PDE4D: variants seen among roughly 807,000 people sequenced by gnomAD.
The protein encoded by PDE4D is 3',5'-cyclic-AMP phosphodiesterase 4D.
PDE4D carries 24 observed loss-of-function variants against 87.4 expected under a neutral mutation model. That is an observed-to-expected ratio of 0.27 (90% confidence interval 0.20 to 0.39). The LOEUF is 0.39. PDE4D is among the 10% of genes least tolerant of loss of function. The pLI is 1.00. For synonymous variants in PDE4D, 384 were observed against 383.2 expected, an observed-to-expected ratio of 1.00 and a Z score of -0.02; for missense variants, 714 against 1,041.0, an observed-to-expected ratio of 0.69 and a Z score of 4.32.
intron 1 of PDE4D, among the ~76,000 whole-genome samples, chr5:60,513,581 A>G (rs553797218): frequency 6.6e-6 from 1 of 152,212 alleles, no homozygotes; most frequent in South Asian, 2.1e-4. Flanking sequence ...AAACTTCAAC[A>G]TATATAGAAC....
At chr5:60,396,637 C>A (rs1762902899) in intron 1 of PDE4D, among the ~76,000 whole-genome samples, 1 of 152,118 alleles carries the variant, frequency 6.6e-6, no homozygotes, top group African/African-American at 2.4e-5. Context: ...CTCAAGGGAG[C>A]CTGCCTCAGC....
chr5:59,221,540 G>C (rs544497787), intron 1 of PDE4D, among the ~76,000 whole-genome samples: 20 of 152,206 alleles, frequency 1.3e-4, no homozygotes, highest in African/African-American at 4.8e-4. Flanking sequence ...GTGGAGGCAG[G>C]AGGATCACCT....
chr5:59,193,402 T>A, intron 3 of PDE4D, 98 bp downstream of exon 3: 2 of 1,116,946 alleles, frequency 1.8e-6, no homozygotes, highest in East Asian at 5.0e-5. Context: ...GTACTTGTGC[T>A]TGATTTAAAA....
intron 1 of PDE4D, among the ~76,000 whole-genome samples, chr5:59,704,724 G>A (rs563016294): frequency 6.6e-6 from 1 of 152,292 alleles, no homozygotes; most frequent in Admixed American, 6.5e-5. Flanking sequence ...CATCGAGATT[G>A]TGTGGTGTCC....
intron 2 of PDE4D, among the ~76,000 whole-genome samples, chr5:60,036,442 C>T (rs1231529753): frequency 6.6e-6 from 1 of 152,148 alleles, no homozygotes; most frequent in Non-Finnish European, 1.5e-5. Context: ...ATCACAATAA[C>T]TCAAACAGGA....
In PDE4D at chr5:59,757,008, G is replaced by A. The variant is rs1247240071; in HGVS notation, c.455+136160C>T. 2.0e-5 allele frequency among the ~76,000 whole-genome samples: 3 copies of A among 152,002 alleles called. No individual in the cohort carries two copies. The East Asian group carries it at 5.8e-4, about 29-fold the overall frequency. ...AGACGAGGTTTCACCATGTTGAACA[G>A]GCTGGTCTAAAACTCCTGACCTCAA... On this transcript the variant is annotated intron_variant, in intron 1 of 14. Transcript: ENST00000340635.
chr5:59,097,545 T>A (rs1026452831), intron 5 of PDE4D, among the ~76,000 whole-genome samples: 4 of 152,188 alleles, frequency 2.6e-5, no homozygotes. Flanking sequence ...CCAATTAAAA[T>A]TTGGCAAACA....
rs543961626 is a variant in PDE4D at position 60,330,503 on chromosome 5, G to A, written c.-89-144816C>T. 4.6e-4 allele frequency among the ~76,000 whole-genome samples: 70 copies of A among 152,246 alleles called. No homozygotes were observed. In the Middle Eastern group the frequency reaches 0.01, roughly 22 times the overall value. On this transcript the variant is annotated intron_variant, in intron 1 of 16. Coordinates refer to the PDE4D transcript ENST00000502484. ...GCATCCATGATAAGTGGGGGTGAGC[G>A]GAGGGAAAGACCAAGCCCCAGGACA...
intron 1 of PDE4D, among the ~76,000 whole-genome samples, chr5:60,487,086 T>C (rs139656583): frequency 6.6e-6 from 1 of 152,348 alleles, no homozygotes; most frequent in Middle Eastern, 3.4e-3. Flanking sequence ...CCCTGCAGTG[T>C]ATGCTATAGA....
intron 1 of PDE4D, among the ~76,000 whole-genome samples, chr5:59,535,865 T>G (rs1048634588): frequency 6.6e-6 from 1 of 152,224 alleles, no homozygotes; most frequent in African/African-American, 2.4e-5. Flanking sequence ...TGGCAGGTCC[T>G]GGAAATCCTA....
intron 2 of PDE4D, among the ~76,000 whole-genome samples, chr5:59,204,533 G>A (rs776711449): frequency 6.6e-6 from 1 of 152,176 alleles, no homozygotes; most frequent in Non-Finnish European, 1.5e-5. Flanking sequence ...TATTCACTAA[G>A]CATATTAGGT....
At chr5:59,354,408 A>C (rs1319975678) in intron 1 of PDE4D, among the ~76,000 whole-genome samples, 1 of 152,174 alleles carries the variant, frequency 6.6e-6, no homozygotes, top group Non-Finnish European at 1.5e-5. Context: ...ATAGTTTAAC[A>C]CCTTTAATTC....
intron 1 of PDE4D, among the ~76,000 whole-genome samples, chr5:59,436,602 A>G (rs1796827162): frequency 6.6e-6 from 1 of 152,200 alleles, no homozygotes; most frequent in Non-Finnish European, 1.5e-5. Flanking sequence ...ATAAAATCCC[A>G]TAAATCAGCT....
chr5:59,992,636 C>A (rs560002556), intron 2 of PDE4D, among the ~76,000 whole-genome samples: 2 of 152,114 alleles, frequency 1.3e-5, no homozygotes, highest in Non-Finnish European at 2.9e-5. Flanking sequence ...TGCAAAAATG[C>A]TTTATATAAC....
intron 1 of PDE4D, among the ~76,000 whole-genome samples, chr5:60,190,215 A>C (rs1029543494): frequency 6.6e-6 from 1 of 152,230 alleles, no homozygotes; most frequent in Admixed American, 6.5e-5. Context: ...AAAGAAACAT[A>C]CAAGGATGGA....
At chr5:59,471,578 G>A (rs1802454742) in intron 1 of PDE4D, among the ~76,000 whole-genome samples, 1 of 152,240 alleles carries the variant, frequency 6.6e-6, no homozygotes, top group African/African-American at 2.4e-5. Flanking sequence ...TATAGCTTCT[G>A]TAAATCCTAA....
At chr5:59,864,608 T>G (rs1457807924) in intron 1 of PDE4D, among the ~76,000 whole-genome samples, 1 of 152,216 alleles carries the variant, frequency 6.6e-6, no homozygotes, top group African/African-American at 2.4e-5. Context: ...ATAGAATGCC[T>G]GACGTGTGCC....
At chr5:60,424,367 G>T (rs145617564) in intron 1 of PDE4D, among the ~76,000 whole-genome samples, 1 of 152,190 alleles carries the variant, frequency 6.6e-6, no homozygotes, top group African/African-American at 2.4e-5. Context: ...GGGATGCAAG[G>T]CTGGTTCAAC....
intron 5 of PDE4D, among the ~76,000 whole-genome samples, chr5:59,147,352 A>G (rs1418438918): frequency 6.6e-6 from 1 of 152,250 alleles, no homozygotes; most frequent in African/African-American, 2.4e-5. Flanking sequence ...TATATTTGAA[A>G]AGTAGAAAGG....
Sources: gnomAD v4.1 joint callset for allele counts (sites outside exome capture counted in the v4.1 genomes callset) on GRCh38, gnomAD v4.1.1 for gene constraint, MANE v1.5 for transcripts, NCBI Gene and HGNC (gene_info 2026-07-23, HGNC 2026-07-21) for gene names.